The following NEDD9 variants were observed in gnomAD, a reference collection of about 807,000 sequenced individuals.
NEDD9 encodes the protein neural precursor cell expressed, developmentally down-regulated 9.
In NEDD9, 26 loss-of-function variants were observed where a neutral mutation model predicts 76.6. That is an observed-to-expected ratio of 0.34 (90% CI 0.25 to 0.47). The LOEUF (loss-of-function observed/expected upper bound fraction) is 0.47, where lower values mean the gene tolerates loss of function less well. Among genes scored for constraint, NEDD9 ranks in the 20% least tolerant of loss-of-function variants. The probability of loss-of-function intolerance (pLI) is 1.00; values close to 1 mark genes in which losing one functional copy is unlikely to be tolerated. For missense variants in NEDD9, 937 were observed against 1,058.5 expected, an observed-to-expected ratio of 0.89 and a Z score of 1.59; for synonymous variants, 392 against 414.2, an observed-to-expected ratio of 0.95 and a Z score of 0.65.
chr6:11,203,823 T>C lies in NEDD9; in HGVS notation c.459+9458A>G, dbSNP rs73723919. On this transcript the variant is annotated intron_variant, in intron 2 of 6. Transcript: ENST00000379446. The stretch of plus-strand genomic sequence containing the variant: ...CCTGCCTCCTTGTGTCCCTGCCTGC[T>C]CCTGCTGTCTTTTGGCATAGCTCTG... Among the ~76,000 whole-genome samples, 1,174 of 152,296 alleles carry C rather than the reference T, an allele frequency of 7.7e-3. 15 individuals are homozygous for C. Among genetic ancestry groups the C allele is most frequent in the African/African-American group, 0.027 (1,117 of 41,558 alleles).
chr6:11,332,050 T>C (rs561373428), intron 2 of NEDD9, among the ~76,000 whole-genome samples: 2 of 152,342 alleles, frequency 1.3e-5, no homozygotes, highest in African/African-American at 4.8e-5. Context: ...AGAAGCAACA[T>C]GTCTTTCATG....
intron 3 of NEDD9, among the ~76,000 whole-genome samples, chr6:11,294,405 TAGTG>T (rs949810498): frequency 7.9e-5 from 12 of 152,252 alleles, no homozygotes; most frequent in Middle Eastern, 3.4e-3. Flanking sequence ...GTTCTCGTGA[TAGTG>T]AGTAAGTTCT....
At chr6:11,330,059 A>T (rs1244502447) in intron 2 of NEDD9, among the ~76,000 whole-genome samples, 2 of 152,176 alleles carry the variant, frequency 1.3e-5, no homozygotes, top group Non-Finnish European at 2.9e-5. Flanking sequence ...AGTGGGTCAA[A>T]CGTGGCCAGT....
chr6:11,221,642 G>A (rs1229485225), intron 1 of NEDD9, among the ~76,000 whole-genome samples: 3 of 152,182 alleles, frequency 2.0e-5, no homozygotes, highest in Admixed American at 6.5e-5. Context: ...TGCCCTTCCT[G>A]AGAATCTTCT....
At chr6:11,188,623 C>T (rs982193599) in intron 5 of NEDD9, among the ~76,000 whole-genome samples, 1 of 152,116 alleles carries the variant, frequency 6.6e-6, no homozygotes, top group Non-Finnish European at 1.5e-5. Context: ...AACCTGTAAA[C>T]CCCCAAATGC....
At chr6:11,251,435 G>C (rs1046574198) in intron 3 of NEDD9, 1 of 152,222 alleles carries the variant, frequency 6.6e-6, no homozygotes, top group Non-Finnish European at 1.5e-5. Context: ...AACCTCCCCT[G>C]TGCAGAAGTT....
At chr6:11,285,598 A>G (rs1425550796) in intron 3 of NEDD9, among the ~76,000 whole-genome samples, 1 of 152,222 alleles carries the variant, frequency 6.6e-6, no homozygotes, top group Non-Finnish European at 1.5e-5. Flanking sequence ...ACAAACTTGG[A>G]GGATTAATAC....
chr6:11,221,182 C>T (rs967938352), intron 1 of NEDD9, among the ~76,000 whole-genome samples: 2 of 151,854 alleles, frequency 1.3e-5, no homozygotes, highest in Non-Finnish European at 2.9e-5. Flanking sequence ...CAGGAGTTTG[C>T]GACCAGCCTG....
At position 11,190,328 on chromosome 6, in the gene NEDD9, T is replaced by C. The variant is rs544064417; in HGVS notation, c.1541A>G (p.Asn514Ser). 1.9e-6 allele frequency: 3 copies of C among 1,614,224 alleles called. No homozygotes were observed. The highest frequency in any genetic ancestry group is 3.3e-5 in the Admixed American group (2 of 60,026). ...HDLNECSWSL[N>S]ILAINKPQNK... ...CTGGGGCTTGTTGATGGCCAAGATA[T>C]TCAGGGACCAGCTGCACTCATTTAA... Residue 514 changes from asparagine to serine, a missense_variant, in exon 5 of 7, where the codon AAT (asparagine) becomes AGT (serine). Physicochemically the swap from Asn to Ser is conservative, Grantham distance 46. Coordinates refer to ENST00000379446, the MANE Select transcript of NEDD9 (RefSeq NM_006403.4). The surrounding 1 kb of genome is among the most constrained non-coding windows in gnomAD (Gnocchi z 5.8).
rs143747979 is a variant in NEDD9 at position 11,191,192 on chromosome 6, G to A, written c.677C>T (p.Pro226Leu). Residue 226 changes from proline to leucine, a missense_variant, in exon 5 of 7, where the codon CCG (proline) becomes CTG (leucine). Coordinates refer to ENST00000379446, the MANE Select transcript of NEDD9 (RefSeq NM_006403.4). ...TGCTTCATCCCGGCAAGCAGAGGGC[G>A]GAATGGCATATACCTGCAAAGCAAG... is the stretch of plus-strand genomic sequence containing the variant. Reference protein sequence around the residue: ...IPPTKGVYAIPPSACRDEAGL... With the variant: ...IPPTKGVYAILPSACRDEAGL... The A allele has an allele frequency of 6.7e-5, 107 of 1,602,140 alleles. No individual in the cohort carries two copies. In the African/African-American group the frequency reaches 1.1e-3, roughly 17 times the overall value.
chr6:11,290,837 G>T (rs895964568), intron 3 of NEDD9, among the ~76,000 whole-genome samples: 1 of 152,182 alleles, frequency 6.6e-6, no homozygotes, highest in Admixed American at 6.5e-5. Context: ...ATCTCTCCGA[G>T]GCAGGCACTG....
chr6:11,200,590 G>A, intron 2 of NEDD9: 1 of 1,082,332 alleles, frequency 9.2e-7, no homozygotes, highest in Non-Finnish European at 1.1e-6. Context: ...AAATGTTTTA[G>A]GATCAAATCA....
intron 1 of NEDD9, 72 bp downstream of exon 1, chr6:11,232,432 C>CGCATACACAA: frequency 6.4e-7 from 1 of 1,573,560 alleles, no homozygotes; most frequent in Admixed American, 1.7e-5. Context: ...GTAAGGAACA[C>CGCATACACAA]GCATACACAA....
At chr6:11,295,750 T>G (rs1167138007) in intron 3 of NEDD9, among the ~76,000 whole-genome samples, 1 of 152,132 alleles carries the variant, frequency 6.6e-6, no homozygotes, top group Non-Finnish European at 1.5e-5. Flanking sequence ...TAATCCTGCT[T>G]CCTCTCTTGC....
chr6:11,223,676 G>T lies in NEDD9; in HGVS notation c.12+8828C>A, dbSNP rs183085562. Among the ~76,000 whole-genome samples the T allele has an allele frequency of 4.1e-3, 622 of 152,328 alleles. 5 individuals are homozygous for T. Among genetic ancestry groups the T allele is most frequent in the Non-Finnish European group, 6.4e-3 (437 of 68,038 alleles). On this transcript the variant is annotated intron_variant, in intron 1 of 6. Transcript: ENST00000379446. ...ATTCAGGTGCTGCGGGCTATGAGGC[G>T]AGAGCGCCCATGCCAGGTTTAAAGC...
upstream of NEDD9, among the ~76,000 whole-genome samples, chr6:11,233,989 A>T (rs1759550032): frequency 2.6e-5 from 4 of 152,190 alleles, no homozygotes; most frequent in South Asian, 6.2e-4. Context: ...AAGCAAAAGG[A>T]ATGAGAGAAC....
In NEDD9 at chr6:11,213,067, A is replaced by G. The variant is rs1023475675; in HGVS notation, c.459+214T>C. On this transcript the variant is annotated intron_variant, in intron 2 of 6. Coordinates refer to ENST00000379446, the MANE Select transcript of NEDD9 (RefSeq NM_006403.4). The surrounding 1 kb of genome is among the most constrained non-coding windows in gnomAD (Gnocchi z 5.4). ...ACACAGGAACTTAGGAGGGCTGGAA[A>G]TCAACTGTACTCAGCACATGGTAGT... Among the ~76,000 whole-genome samples, 2 of 152,230 alleles carry G rather than the reference A, an allele frequency of 1.3e-5. No homozygotes were observed. Among genetic ancestry groups the G allele is most frequent in the African/African-American group, 4.8e-5 (2 of 41,460 alleles).
intron 2 of NEDD9, among the ~76,000 whole-genome samples, chr6:11,319,339 ACACT>A (rs1316699328): frequency 2.0e-5 from 3 of 151,492 alleles, no homozygotes; most frequent in Non-Finnish European, 4.4e-5. Context: ...ACACACCCAC[ACACT>A]CACATGCACA....
chr6:11,246,425 G>A (rs1424357390), intron 3 of NEDD9, among the ~76,000 whole-genome samples: 1 of 152,062 alleles, frequency 6.6e-6, no homozygotes, highest in African/African-American at 2.4e-5. Context: ...GAACCATCAC[G>A]ACGTGGTCCC....
Sources: allele counts gnomAD v4.1 joint callset (sites outside exome capture counted in the v4.1 genomes callset), GRCh38; gene constraint gnomAD v4.1.1; non-coding constraint Gnocchi (gnomAD v3.1); transcripts MANE v1.5; gene names NCBI Gene and HGNC (gene_info 2026-07-23, HGNC 2026-07-21).